The following KLHL1 variants were observed in gnomAD, a reference collection of about 807,000 sequenced individuals.
The protein encoded by KLHL1 is kelch-like protein 1.
Under a neutral mutation model 77.7 loss-of-function variants are expected in KLHL1, and 47 were observed. That is an observed-to-expected ratio of 0.60 (90% CI 0.48 to 0.77). KLHL1 has a LOEUF of 0.77. Among genes scored for constraint, KLHL1 ranks in the 30% least tolerant of loss-of-function variants. KLHL1 has a pLI of 0.00. For synonymous variants in KLHL1, 360 were observed against 325.2 expected (o/e 1.11, Z -1.15); for missense variants, 925 against 910.8 (o/e 1.02, Z -0.20).
intron 4 of KLHL1, among the ~76,000 whole-genome samples, chr13:69,921,232 A>C (rs1476152801): frequency 6.6e-6 from 1 of 152,210 alleles, no homozygotes; most frequent in East Asian, 1.9e-4. Flanking sequence ...GTTACACAGC[A>C]GGTCAAGTCA....
At position 70,024,533 on chromosome 13, in the gene KLHL1, C is replaced by G. The variant is rs372983049; in HGVS notation, c.498-48731G>C. Among the ~76,000 whole-genome samples the G allele has an allele frequency of 3.2e-4, 48 of 151,680 alleles. No homozygotes were observed. In the South Asian group the frequency reaches 1.0e-2, roughly 32 times the overall value. On this transcript the variant is annotated intron_variant, in intron 1 of 10. Transcript: ENST00000377844. ...AGTTTCTCCTCAACGTAAGTTTTTT[C>G]TAGAATTGTCTTTTTAGTTAGTATT...
At chr13:69,755,165 A>C (rs866891250) in intron 7 of KLHL1, among the ~76,000 whole-genome samples, 3 of 151,998 alleles carry the variant, frequency 2.0e-5, no homozygotes, top group Admixed American at 1.3e-4. Context: ...GTTATGAGTG[A>C]GTTCTAGCTC....
chr13:69,734,147 CT>C (rs766907522), intron 8 of KLHL1, among the ~76,000 whole-genome samples: 5 of 152,116 alleles, frequency 3.3e-5, no homozygotes, highest in African/African-American at 4.8e-5. Context: ...CCTCTTGGTA[CT>C]GTCCTTACAA....
At chr13:69,822,998 A>C (rs1376512086) in intron 6 of KLHL1, among the ~76,000 whole-genome samples, 1 of 152,202 alleles carries the variant, frequency 6.6e-6, no homozygotes, top group Non-Finnish European at 1.5e-5. Context: ...TAAACTGTTA[A>C]GACGTCAAAA....
intron 1 of KLHL1, among the ~76,000 whole-genome samples, chr13:70,041,094 CTTCA>C (rs1432238379): frequency 6.6e-6 from 1 of 151,890 alleles, no homozygotes; most frequent in African/African-American, 2.4e-5. Flanking sequence ...CTCTTTGGTT[CTTCA>C]TTGTCTCTTC....
At chr13:69,832,779 A>C (rs563650814) in intron 6 of KLHL1, among the ~76,000 whole-genome samples, 1 of 152,248 alleles carries the variant, frequency 6.6e-6, no homozygotes, top group South Asian at 2.1e-4. Context: ...ATAGAACAGA[A>C]TAGAAAACCC....
chr13:70,108,307 C>T lies in KLHL1; in HGVS notation c.-608G>A, dbSNP rs1888128987. The T allele has an allele frequency of 1.5e-5, 5 of 343,030 alleles. No individual in the cohort carries two copies. Among genetic ancestry groups the T allele is most frequent in the Non-Finnish European group, 2.6e-5 (5 of 191,976 alleles). The allele number at this position is 343,030 out of a possible 1,614,324, so 21.2% of individuals were successfully genotyped here. On this transcript the variant is annotated 5_prime_UTR_variant, in exon 1 of 11. Transcript: ENST00000377844. Reference sequence around the variant, plus strand: ...GATGCCCCGATAGCCTGCCGGGTGGCTCTGAGAAAGTCAATTGCTTTCTGC... The same window carrying T: ...GATGCCCCGATAGCCTGCCGGGTGGTTCTGAGAAAGTCAATTGCTTTCTGC...
chr13:70,070,097 G>A (rs1887105012), intron 1 of KLHL1, among the ~76,000 whole-genome samples: 2 of 151,660 alleles, frequency 1.3e-5, no homozygotes, highest in African/African-American at 4.9e-5. Context: ...GAACCCAGGA[G>A]GCAGAGGTTG....
chr13:69,971,406 T>C (rs1329491131), intron 2 of KLHL1, among the ~76,000 whole-genome samples: 4 of 152,010 alleles, frequency 2.6e-5, no homozygotes, highest in African/African-American at 7.2e-5. Flanking sequence ...AAAACTTATC[T>C]ACTGGCTCCT....
At chr13:69,979,653 C>T (rs1052235419) in intron 1 of KLHL1, among the ~76,000 whole-genome samples, 10 of 152,046 alleles carry the variant, frequency 6.6e-5, no homozygotes, top group African/African-American at 1.9e-4. Context: ...TCTTTCCAAT[C>T]GAAGAGTCCC....
At chr13:69,929,129 C>T (rs1187373279) in intron 4 of KLHL1, among the ~76,000 whole-genome samples, 3 of 33,982 alleles carry the variant, frequency 8.8e-5, no homozygotes, top group Non-Finnish European at 4.2e-4. Context: ...TTTGTAGAAT[C>T]ATAAGCTGCA....
intron 6 of KLHL1, among the ~76,000 whole-genome samples, chr13:69,814,737 G>C (rs1188405676): frequency 6.6e-6 from 1 of 152,098 alleles, no homozygotes; most frequent in Non-Finnish European, 1.5e-5. Context: ...AAAAGGCTGG[G>C]CGTGGTAACT....
chr13:69,950,436 T>C (rs1354139448), intron 3 of KLHL1, among the ~76,000 whole-genome samples: 1 of 151,634 alleles, frequency 6.6e-6, no homozygotes, highest in Non-Finnish European at 1.5e-5. Context: ...ATGTCTTATC[T>C]TCAAATTTAT....
At chr13:69,957,750 CTT>C (rs983490219) in intron 3 of KLHL1, among the ~76,000 whole-genome samples, 6 of 151,762 alleles carry the variant, frequency 4.0e-5, no homozygotes, top group African/African-American at 1.4e-4. Context: ...AACACACTCT[CTT>C]TACAAATGGC....
chr13:69,855,648 G>A (rs35788056), intron 5 of KLHL1, among the ~76,000 whole-genome samples: 14,927 of 151,260 alleles, frequency 0.099, 885 homozygotes, highest in Non-Finnish European at 0.13. Flanking sequence ...TTTCCTTCCT[G>A]CCGCCTCGTA....
chr13:69,855,378 CT>C (rs1566329971), intron 5 of KLHL1, among the ~76,000 whole-genome samples: 6 of 128,296 alleles, frequency 4.7e-5, no homozygotes, highest in African/African-American at 2.1e-4. Context: ...AGAGATAGAT[CT>C]ATAGATAGAG....
At chr13:69,912,655 G>A (rs549880787) in intron 4 of KLHL1, among the ~76,000 whole-genome samples, 20 of 152,266 alleles carry the variant, frequency 1.3e-4, no homozygotes, top group South Asian at 4.1e-4. Context: ...AGGTGGCTGA[G>A]TTTGTAAGAA....
chr13:69,795,518 T>C (rs552028524), intron 7 of KLHL1, among the ~76,000 whole-genome samples: 1 of 152,318 alleles, frequency 6.6e-6, no homozygotes, highest in East Asian at 1.9e-4. Flanking sequence ...TACTTCTCCT[T>C]ACAATCCTCA....
rs2439678 is a variant in KLHL1, at chr13:69,998,978, C to T, written c.498-23176G>A. On this transcript the variant is annotated intron_variant, in intron 1 of 10. Transcript: ENST00000377844. ...GTCTTGTATGACACTCTCACCCACACTTCTAGAGGTCCTAGAGGTCACTGA... is the reference window on the plus strand; with the variant it reads ...GTCTTGTATGACACTCTCACCCACATTTCTAGAGGTCCTAGAGGTCACTGA... 9.9e-3 allele frequency among the ~76,000 whole-genome samples: 1,506 copies of T among 152,152 alleles called. 25 individuals are homozygous for T. The highest frequency in any genetic ancestry group is 0.034 in the African/African-American group (1,419 of 41,536).
Sources: allele counts gnomAD v4.1 joint callset (sites outside exome capture counted in the v4.1 genomes callset), GRCh38; gene constraint gnomAD v4.1.1; transcripts MANE v1.5; gene names NCBI Gene and HGNC (gene_info 2026-07-23, HGNC 2026-07-21).